Variants in IL1RAPL1 observed in about 807,000 individuals in gnomAD.
The protein encoded by IL1RAPL1 is interleukin 1 receptor accessory protein like 1.
Under a neutral mutation model 48.4 loss-of-function variants are expected in IL1RAPL1, and 3 were observed. The ratio of observed to expected loss-of-function variants is 0.06; its 90% CI spans 0.03 to 0.16. The LOEUF is 0.16. Ranked by LOEUF, IL1RAPL1 falls within the 10% of genes least tolerant of loss-of-function variation. IL1RAPL1 has a pLI of 1.00. For synonymous variants in IL1RAPL1, 185 were observed against 187.7 expected (o/e 0.99, Z 0.12); for missense variants, 349 against 530.6 (o/e 0.66, Z 3.36).
chrX:28,655,023 G>A (rs748758202), intron 1 of IL1RAPL1, among the ~76,000 whole-genome samples: 73 of 110,944 alleles, frequency 6.6e-4, no homozygotes, highest in African/African-American at 2.4e-3. Flanking sequence ...GGGAGGAGTC[G>A]GGATGGAAAA....
chrX:29,381,587 G>A (rs1933701480), intron 3 of IL1RAPL1, among the ~76,000 whole-genome samples: 1 of 99,216 alleles, frequency 1.0e-5, no homozygotes, highest in Non-Finnish European at 2.0e-5. Flanking sequence ...CACTGAGGCA[G>A]GAGGATCTCT....
chrX:29,206,693 CT>C (rs771833697), intron 2 of IL1RAPL1, among the ~76,000 whole-genome samples: 2 of 111,698 alleles, frequency 1.8e-5, no homozygotes, highest in East Asian at 5.6e-4. Flanking sequence ...CATTTTCCCC[CT>C]GAAGGAAACA....
chrX:28,649,447 G>T lies in IL1RAPL1; in HGVS notation c.-25+61400G>T, dbSNP rs187393959. Among the ~76,000 whole-genome samples the T allele has an allele frequency of 5.2e-3, 582 of 112,200 alleles. 1 individual carries two copies. Among genetic ancestry groups the T allele is most frequent in the Middle Eastern group, 0.014 (3 of 217 alleles). Reference sequence around the variant, plus strand: ...ACCCAGTTACATTCTAAAATAAATTGGGGGAAATGCTGGTTTAAAAAGTTA... The same window carrying T: ...ACCCAGTTACATTCTAAAATAAATTTGGGGAAATGCTGGTTTAAAAAGTTA... On this transcript the variant is annotated intron_variant, in intron 1 of 10. Coordinates refer to ENST00000378993, the MANE Select transcript of IL1RAPL1 (RefSeq NM_014271.4).
At chrX:28,973,367 A>C (rs1925130875) in intron 2 of IL1RAPL1, among the ~76,000 whole-genome samples, 1 of 112,435 alleles carries the variant, frequency 8.9e-6, no homozygotes, top group Admixed American at 9.4e-5. Flanking sequence ...TTGAAAGTTA[A>C]GCCAAAAGTA....
chrX:29,568,105 C>A, intron 5 of IL1RAPL1, among the ~76,000 whole-genome samples: 1 of 106,743 alleles, frequency 9.4e-6, no homozygotes, highest in Non-Finnish European at 1.9e-5. Context: ...GTGCTCCCGA[C>A]CCACTAAGCT....
chrX:28,809,385 A>G (rs1936766043), intron 2 of IL1RAPL1, among the ~76,000 whole-genome samples: 1 of 110,393 alleles, frequency 9.1e-6, no homozygotes, highest in Non-Finnish European at 1.9e-5. Context: ...TGGCAAAGGT[A>G]GTTACTTCAG....
chrX:28,944,601 T>A (rs1200848098), intron 2 of IL1RAPL1, among the ~76,000 whole-genome samples: 1 of 110,895 alleles, frequency 9.0e-6, no homozygotes, highest in Non-Finnish European at 1.9e-5. Context: ...CACAATTTTT[T>A]AAAATAATGA....
At chrX:29,920,141 G>A in intron 8 of IL1RAPL1, 47 bp downstream of exon 8, 1 of 1,191,048 alleles carries the variant, frequency 8.4e-7, no homozygotes, top group Non-Finnish European at 1.1e-6. Flanking sequence ...ATGTATGATG[G>A]GAGAAAAAAT....
intron 6 of IL1RAPL1, among the ~76,000 whole-genome samples, chrX:29,675,722 C>T (rs765869043): frequency 9.0e-6 from 1 of 111,323 alleles, no homozygotes; most frequent in African/African-American, 3.3e-5. Flanking sequence ...TCCCGAGTAG[C>T]TGGGATTACA....
At chrX:29,710,041 G>A (rs966875489) in intron 6 of IL1RAPL1, among the ~76,000 whole-genome samples, 4 of 111,613 alleles carry the variant, frequency 3.6e-5, no homozygotes, top group African/African-American at 1.3e-4. Context: ...TAAGTATCTC[G>A]ATTCTAATAG....
intron 6 of IL1RAPL1, among the ~76,000 whole-genome samples, chrX:29,832,108 A>G (rs2147188481): frequency 8.9e-6 from 1 of 112,080 alleles, no homozygotes; most frequent in African/African-American, 3.2e-5. Context: ...TGAGATGAAA[A>G]GAAATGCTAT....
At chrX:29,459,046 T>G (rs887832307) in intron 5 of IL1RAPL1, among the ~76,000 whole-genome samples, 1 of 111,948 alleles carries the variant, frequency 8.9e-6, no homozygotes, top group Non-Finnish European at 1.9e-5. Flanking sequence ...GGGATAGATT[T>G]GGCGTGTGGT....
chrX:28,633,824 G>T (rs1014017247), intron 1 of IL1RAPL1, among the ~76,000 whole-genome samples: 1 of 111,672 alleles, frequency 9.0e-6, no homozygotes, highest in Admixed American at 9.5e-5. Flanking sequence ...TTTTGAAGAT[G>T]ACAATTTAAT....
chrX:28,883,051 C>T (rs1217405986), intron 2 of IL1RAPL1, among the ~76,000 whole-genome samples: 1 of 111,230 alleles, frequency 9.0e-6, no homozygotes, highest in Non-Finnish European at 1.9e-5. Context: ...TTGAAGTTAT[C>T]AGTTTAAAAT....
chrX:29,164,178 A>T (rs1929741216), intron 2 of IL1RAPL1, among the ~76,000 whole-genome samples: 1 of 111,199 alleles, frequency 9.0e-6, no homozygotes, highest in African/African-American at 3.3e-5. Flanking sequence ...TTGTGACCTG[A>T]CTTTGGACGG....
At chrX:28,923,069 A>C (rs766881979) in intron 2 of IL1RAPL1, among the ~76,000 whole-genome samples, 8 of 112,366 alleles carry the variant, frequency 7.1e-5, no homozygotes, top group Non-Finnish European at 1.5e-4. Flanking sequence ...CTTTATTTTC[A>C]ACTTTTATTT....
At chrX:29,016,128 A>G (rs951634818) in intron 2 of IL1RAPL1, among the ~76,000 whole-genome samples, 3 of 111,712 alleles carry the variant, frequency 2.7e-5, no homozygotes, top group Admixed American at 9.6e-5. Context: ...TGGCTAATGC[A>G]TGGTCTCTGG....
intron 1 of IL1RAPL1, among the ~76,000 whole-genome samples, chrX:28,684,880 A>G (rs1280598292): frequency 8.9e-6 from 1 of 112,149 alleles, no homozygotes; most frequent in Non-Finnish European, 1.9e-5. Flanking sequence ...TTAATCTCAC[A>G]TTGATAAGTG....
chrX:29,423,281 C>A (rs944496267), intron 5 of IL1RAPL1, among the ~76,000 whole-genome samples: 3 of 112,048 alleles, frequency 2.7e-5, no homozygotes, highest in African/African-American at 9.7e-5. Flanking sequence ...CTGGACCAAA[C>A]CAAAGTACAT....
Sources: gnomAD v4.1 joint callset for allele counts (sites outside exome capture counted in the v4.1 genomes callset) on GRCh38, gnomAD v4.1.1 for gene constraint, MANE v1.5 for transcripts, NCBI Gene and HGNC (gene_info 2026-07-23, HGNC 2026-07-21) for gene names.